The following ZNF469 variants were observed in gnomAD, a reference collection of about 807,000 sequenced individuals.
The protein encoded by ZNF469 is zinc finger protein 469.
ZNF469 carries 1 observed loss-of-function variant against 1.0 expected under a neutral mutation model. The ratio of observed to expected loss-of-function variants is 1.00; its 90% CI spans 0.35 to 4.73. The LOEUF (loss-of-function observed/expected upper bound fraction) is 4.73. Among genes scored for constraint, ZNF469 ranks in the 30% most tolerant of loss-of-function variants. The pLI, the probability that ZNF469 is intolerant of heterozygous loss-of-function variation, is 0.16. For synonymous variants in ZNF469, 2,703 were observed against 2,363.4 expected (o/e 1.14, Z -4.17); for missense variants, 6,100 against 5,356.3 (o/e 1.14, Z -4.33).
At chr16:88,321,080 C>T in the ZNF469 span, among the ~76,000 whole-genome samples, 3 of 152,214 alleles carry the variant, frequency 2.0e-5, no homozygotes, top group Non-Finnish European at 4.4e-5. Flanking sequence ...GCCAGTCGGT[C>T]CCAGGTTGAC....
intron 2 of ZNF469, among the ~76,000 whole-genome samples, chr16:88,425,555 G>A (rs1474412672): frequency 6.6e-6 from 1 of 152,150 alleles, no homozygotes; most frequent in Non-Finnish European, 1.5e-5. Context: ...GGCCTTGAGC[G>A]GGTTCCCCAC....
the ZNF469 span, among the ~76,000 whole-genome samples, chr16:88,377,525 C>T: frequency 5.9e-5 from 9 of 152,200 alleles, no homozygotes; most frequent in African/African-American, 7.2e-5. Flanking sequence ...GGGGCAGAAA[C>T]GCTTGGGCCG....
At chr16:88,374,490 C>A in the ZNF469 span, among the ~76,000 whole-genome samples, 1 of 152,150 alleles carries the variant, frequency 6.6e-6, no homozygotes, top group Non-Finnish European at 1.5e-5. Flanking sequence ...GGGGCCCCGA[C>A]AGGGAAAGGC....
chr16:88,410,785 C>G (rs1468955528), intron 1 of ZNF469, among the ~76,000 whole-genome samples: 1 of 152,188 alleles, frequency 6.6e-6, no homozygotes, highest in Non-Finnish European at 1.5e-5. Flanking sequence ...TGGTGCAGGT[C>G]ACGTGGTCAT....
At chr16:88,194,367 C>G in the ZNF469 span, 59 of 152,336 alleles carry the variant, frequency 3.9e-4, no homozygotes, top group African/African-American at 1.4e-3. Context: ...TGTCCCAAGC[C>G]TCAACAAGCC....
At chr16:88,254,758 CAATA>C in the ZNF469 span, among the ~76,000 whole-genome samples, 1 of 150,854 alleles carries the variant, frequency 6.6e-6, no homozygotes, top group Non-Finnish European at 1.5e-5. Flanking sequence ...AACTCTGTCT[CAATA>C]AATAAATAAA....
chr16:88,375,651 C>A, the ZNF469 span, among the ~76,000 whole-genome samples: 1 of 152,218 alleles, frequency 6.6e-6, no homozygotes, highest in African/African-American at 2.4e-5. Context: ...ATTTATTCAA[C>A]AAAGAGGAGT....
intron 1 of ZNF469, among the ~76,000 whole-genome samples, chr16:88,391,628 G>A (rs1904494744): frequency 6.6e-6 from 1 of 152,250 alleles, no homozygotes; most frequent in South Asian, 2.1e-4. Context: ...AGGCTCTTGG[G>A]ACAGGTGGGG....
At chr16:88,374,952 G>C in the ZNF469 span, among the ~76,000 whole-genome samples, 27 of 152,184 alleles carry the variant, frequency 1.8e-4, no homozygotes, top group South Asian at 2.1e-4. Flanking sequence ...CAGTGTGGTG[G>C]AATCTACGCA....
At chr16:88,137,974 C>T in the ZNF469 span, among the ~76,000 whole-genome samples, 1 of 152,170 alleles carries the variant, frequency 6.6e-6, no homozygotes, top group Non-Finnish European at 1.5e-5. Context: ...GTTAAAGCAA[C>T]AACAGAGCCT....
intron 1 of ZNF469, among the ~76,000 whole-genome samples, chr16:88,410,094 TG>T (rs1177325833): frequency 8.4e-6 from 1 of 119,754 alleles, no homozygotes; most frequent in Non-Finnish European, 1.7e-5. Context: ...AGATCAGATG[TG>T]GGGGTGGGGG....
chr16:88,164,441 A>T, the ZNF469 span, among the ~76,000 whole-genome samples: 17 of 152,214 alleles, frequency 1.1e-4, no homozygotes, highest in African/African-American at 3.6e-4. Context: ...AAGTGGATGA[A>T]TGGATGCACG....
chr16:88,240,843 C>T, the ZNF469 span, among the ~76,000 whole-genome samples: 1 of 152,174 alleles, frequency 6.6e-6, no homozygotes, highest in Non-Finnish European at 1.5e-5. Context: ...TTCCCCTCCC[C>T]AGCTGACGCC....
chr16:88,354,750 GCTCCCAAGC>G, the ZNF469 span, among the ~76,000 whole-genome samples: 4 of 152,150 alleles, frequency 2.6e-5, no homozygotes, highest in Non-Finnish European at 5.9e-5. Flanking sequence ...GGCTCCCAAG[GCTCCCAAGC>G]CTCCTGGCTG....
the ZNF469 span, among the ~76,000 whole-genome samples, chr16:88,108,184 G>A: frequency 6.9e-6 from 1 of 145,846 alleles, no homozygotes; most frequent in African/African-American, 2.7e-5. Flanking sequence ...TGGGGATGGA[G>A]GTGCACATCT....
the ZNF469 span, among the ~76,000 whole-genome samples, chr16:88,265,339 C>A: frequency 3.3e-5 from 5 of 152,180 alleles, no homozygotes; most frequent in Non-Finnish European, 7.4e-5. Flanking sequence ...TCAGGAGGTT[C>A]CCCTAGCACC....
the ZNF469 span, among the ~76,000 whole-genome samples, chr16:88,151,309 C>T: frequency 2.0e-5 from 3 of 152,230 alleles, no homozygotes; most frequent in Admixed American, 6.5e-5. The surrounding 1 kb of genome is among the most constrained non-coding windows in gnomAD (Gnocchi z 5.4). Flanking sequence ...CAGCCAGGAG[C>T]GTCCACGTGG....
chr16:88,381,198 ATT>A (rs1432003610), upstream of ZNF469, among the ~76,000 whole-genome samples: 145 of 109,780 alleles, frequency 1.3e-3, 2 homozygotes, highest in South Asian at 0.015. Context: ...ACACACATGC[ATT>A]CACAGACACA....
At chr16:88,120,877 G>A in the ZNF469 span, among the ~76,000 whole-genome samples, 1 of 152,158 alleles carries the variant, frequency 6.6e-6, no homozygotes, top group African/African-American at 2.4e-5. Context: ...CACTGGAGCC[G>A]CCTGACCTCA....
Sources: allele counts gnomAD v4.1 joint callset (sites outside exome capture counted in the v4.1 genomes callset), GRCh38; gene constraint gnomAD v4.1.1; non-coding constraint Gnocchi (gnomAD v3.1); transcripts MANE v1.5; gene names NCBI Gene and HGNC (gene_info 2026-07-23, HGNC 2026-07-21).